The following PTPRD variants were observed in gnomAD, a reference collection of about 807,000 sequenced individuals.
PTPRD encodes protein tyrosine phosphatase receptor type D, also known as receptor-type tyrosine-protein phosphatase delta.
A neutral mutation model predicts 214.5 loss-of-function variants in PTPRD; 34 were observed. The ratio of observed to expected loss-of-function variants is 0.16; its 90% CI spans 0.12 to 0.21. The LOEUF (loss-of-function observed/expected upper bound fraction) is 0.21, where lower values mean the gene tolerates loss of function less well. Ranked by LOEUF, PTPRD falls within the 10% of genes least tolerant of loss-of-function variation. The probability of loss-of-function intolerance (pLI) is 1.00; values close to 1 mark genes in which losing one functional copy is unlikely to be tolerated. For missense variants in PTPRD, 2,545 were observed against 2,398.7 expected (o/e 1.06, Z -1.27); for synonymous variants, 1,128 against 845.7 (o/e 1.33, Z -5.79).
intron 4 of PTPRD, among the ~76,000 whole-genome samples, chr9:9,960,316 A>T (rs906818927): frequency 6.6e-6 from 1 of 152,124 alleles, no homozygotes; most frequent in African/African-American, 2.4e-5. Context: ...AACAAAATAA[A>T]TAAGAGGTGA....
At chr9:8,515,589 GA>G (rs531567406) in intron 21 of PTPRD, among the ~76,000 whole-genome samples, 112 of 152,268 alleles carry the variant, frequency 7.4e-4, no homozygotes, top group African/African-American at 2.5e-3. Context: ...AGTGAAAAGG[GA>G]AATTTGGGCA....
chr9:9,499,452 C>A (rs952038131), intron 8 of PTPRD, among the ~76,000 whole-genome samples: 2 of 152,000 alleles, frequency 1.3e-5, no homozygotes, highest in East Asian at 3.9e-4. Context: ...AAATGGAAAT[C>A]TATTGTTATT....
chr9:8,711,212 TG>T (rs1250316190), intron 12 of PTPRD, among the ~76,000 whole-genome samples: 1 of 152,072 alleles, frequency 6.6e-6, no homozygotes, highest in African/African-American at 2.4e-5. Flanking sequence ...ATAAAATAAT[TG>T]TCTTGGTAAT....
chr9:10,606,152 C>CA (rs563322812), intron 2 of PTPRD, among the ~76,000 whole-genome samples: 7 of 151,586 alleles, frequency 4.6e-5, no homozygotes, highest in East Asian at 1.9e-4. Context: ...TTATCAACAG[C>CA]AAAAAAACGG....
chr9:9,380,706 T>C (rs980529281), intron 9 of PTPRD, among the ~76,000 whole-genome samples: 1 of 152,162 alleles, frequency 6.6e-6, no homozygotes, highest in African/African-American at 2.4e-5. Context: ...AATTGATGGA[T>C]AGCGTTGTCA....
chr9:8,962,167 GAT>G (rs1312453768), intron 11 of PTPRD: 1 of 152,080 alleles, frequency 6.6e-6, no homozygotes, highest in Non-Finnish European at 1.5e-5. Flanking sequence ...TGGGAACAAA[GAT>G]ATGAGACTCC....
At chr9:10,386,102 A>T (rs1300278133) in intron 2 of PTPRD, among the ~76,000 whole-genome samples, 2 of 151,872 alleles carry the variant, frequency 1.3e-5, no homozygotes, top group African/African-American at 4.8e-5. Flanking sequence ...TTTACTTAGC[A>T]AGTGGATTTT....
chr9:9,734,933 T>G (rs895781881), intron 6 of PTPRD, among the ~76,000 whole-genome samples: 2 of 152,104 alleles, frequency 1.3e-5, no homozygotes, highest in African/African-American at 4.8e-5. Flanking sequence ...TTTAATGTTT[T>G]TATGGGAGAA....
intron 31 of PTPRD, among the ~76,000 whole-genome samples, chr9:8,468,328 T>G (rs184009684): frequency 2.1e-3 from 321 of 152,066 alleles, no homozygotes; most frequent in Non-Finnish European, 3.9e-3. Flanking sequence ...CACATTATTT[T>G]ACAACAAGCC....
Position 8,534,535 on chromosome 9 carries a change from G to T in PTPRD, c.353-5756C>A, listed in dbSNP as rs1318402496. ...ATTTCTTTTCTTTGACGGGTGGAAA[G>T]ACTGAGTGAGAAAAGTTTTCATTAA... On this transcript the variant is annotated intron_variant, in intron 14 of 45. Transcript: ENST00000381196. Among the ~76,000 whole-genome samples, 3 of 151,742 alleles carry T rather than the reference G, an allele frequency of 2.0e-5. No homozygotes were observed. In the Admixed American group the frequency reaches 2.0e-4, roughly 10 times the overall value.
chr9:8,486,097 A>G lies in PTPRD; in HGVS notation c.2720T>C (p.Met907Thr), dbSNP rs777369355. ...ARNKVGFGEE[M>T]VKEISIPEEV... ...TTCTGGAATGGAAATCTCCTTCACC[A>G]TCTCCTCCCCAAAGCCCACTTTGTT... is the stretch of plus-strand genomic sequence containing the variant. The change falls in exon 28 of 46, where the codon ATG (methionine) becomes ACG (threonine). Residue 907 changes from methionine to threonine, a missense_variant. Met to Thr is a moderately conservative substitution (Grantham distance 81, BLOSUM62 -1). Coordinates refer to ENST00000381196, the MANE Select transcript of PTPRD (RefSeq NM_002839.4). 4 of 1,614,192 alleles carry G rather than the reference A, an allele frequency of 2.5e-6. No individual in the cohort carries two copies. In the Admixed American group the frequency reaches 5.0e-5, roughly 20 times the overall value.
intron 4 of PTPRD, among the ~76,000 whole-genome samples, chr9:9,993,457 A>C (rs2154082156): frequency 6.6e-6 from 1 of 152,360 alleles, no homozygotes; most frequent in South Asian, 2.1e-4. Context: ...CTTATAATAA[A>C]ATATTAAGCA....
At position 9,362,547 on chromosome 9, in the gene PTPRD, G is replaced by T. The variant is rs558390620; in HGVS notation, c.-203+34902C>A. 2.0e-5 allele frequency among the ~76,000 whole-genome samples: 3 copies of T among 151,116 alleles called. No individual in the cohort carries two copies. In the South Asian group the frequency reaches 6.2e-4, roughly 31 times the overall value. Reference sequence around the variant, plus strand: ...TTGTCAGAAAAACATCAACTAATGTGTCTTGTATAACTTCATTTCTAAAAG... The same window carrying T: ...TTGTCAGAAAAACATCAACTAATGTTTCTTGTATAACTTCATTTCTAAAAG... On this transcript the variant is annotated intron_variant, in intron 9 of 45. Transcript: ENST00000381196.
intron 7 of PTPRD, among the ~76,000 whole-genome samples, chr9:9,640,791 A>G (rs1173479556): frequency 6.6e-6 from 1 of 152,252 alleles, no homozygotes; most frequent in Non-Finnish European, 1.5e-5. Flanking sequence ...GAGAATCTTA[A>G]GAGGGTATCC....
At chr9:8,361,936 G>A (rs2078605817) in intron 39 of PTPRD, among the ~76,000 whole-genome samples, 1 of 152,210 alleles carries the variant, frequency 6.6e-6, no homozygotes, top group Non-Finnish European at 1.5e-5. Context: ...AGCTAGGACT[G>A]GACTATTGGT....
intron 9 of PTPRD, among the ~76,000 whole-genome samples, chr9:9,231,541 C>T (rs2099963113): frequency 6.6e-6 from 1 of 152,088 alleles, no homozygotes; most frequent in South Asian, 2.1e-4. Flanking sequence ...CTAAATGCTA[C>T]CCAGCATTTT....
At chr9:8,724,197 A>G (rs2098533185) in intron 12 of PTPRD, among the ~76,000 whole-genome samples, 1 of 152,134 alleles carries the variant, frequency 6.6e-6, no homozygotes, top group Non-Finnish European at 1.5e-5. Context: ...TTTGGGGGGA[A>G]TTTTTTAAAT....
intron 2 of PTPRD, among the ~76,000 whole-genome samples, chr9:10,349,035 A>C (rs192521589): frequency 6.6e-6 from 1 of 152,204 alleles, no homozygotes; most frequent in African/African-American, 2.4e-5. Context: ...CCCTCTGCAC[A>C]CCTGAAACAA....
chr9:9,657,634 G>C (rs891342563), intron 7 of PTPRD, among the ~76,000 whole-genome samples: 1 of 152,214 alleles, frequency 6.6e-6, no homozygotes, highest in African/African-American at 2.4e-5. Flanking sequence ...AAAAGAAAAA[G>C]AAAATAATCA....
Sources: gnomAD v4.1 joint callset for allele counts (sites outside exome capture counted in the v4.1 genomes callset) on GRCh38, gnomAD v4.1.1 for gene constraint, MANE v1.5 for transcripts, NCBI Gene and HGNC (gene_info 2026-07-23, HGNC 2026-07-21) for gene names.